Variants in CCDC91 observed in about 807,000 individuals in gnomAD.
The protein encoded by CCDC91 is coiled-coil domain-containing protein 91.
A neutral mutation model predicts 63.2 loss-of-function variants in CCDC91; 48 were observed. That is an observed-to-expected ratio of 0.76 (90% CI 0.60 to 0.97). CCDC91 has a LOEUF of 0.97. Ranked by LOEUF, CCDC91 falls within the 50% of genes least tolerant of loss-of-function variation. CCDC91 has a pLI of 0.00. For synonymous variants in CCDC91, 167 were observed against 165.8 expected (o/e 1.01, Z -0.06); for missense variants, 500 against 494.6 (o/e 1.01, Z -0.10).
In CCDC91 at chr12:28,315,153, GTA is replaced by G. The variant is rs10630087; in HGVS notation, c.576+7422_576+7423del. ...GGGTATTTTACTTAATGTGTCAGTTGTATATATATATATATATATTTTTGTTT... is the reference window on the plus strand; with the variant it reads ...GGGTATTTTACTTAATGTGTCAGTTGTATATATATATATATATTTTTGTTT... On this transcript the variant is annotated intron_variant, in intron 6 of 12. Transcript: ENST00000536442. Among the ~76,000 whole-genome samples the G allele has an allele frequency of 6.4e-4, 94 of 148,018 alleles. 1 individual carries two copies. In the East Asian group the frequency reaches 0.013, roughly 21 times the overall value.
intron 3 of CCDC91, among the ~76,000 whole-genome samples, chr12:28,289,867 A>AT (rs1167267550): frequency 3.8e-4 from 57 of 150,538 alleles, no homozygotes; most frequent in African/African-American, 1.3e-3. Context: ...AATTTTTTGT[A>AT]TTTTTTATTA....
At chr12:28,514,560 T>C (rs531218644) in intron 12 of CCDC91, among the ~76,000 whole-genome samples, 2 of 151,976 alleles carry the variant, frequency 1.3e-5, no homozygotes, top group Non-Finnish European at 2.9e-5. Context: ...GAAATCTTTG[T>C]CCATTCGTAT....
intron 12 of CCDC91, among the ~76,000 whole-genome samples, chr12:28,499,009 A>G (rs1458209287): frequency 2.6e-5 from 4 of 151,664 alleles, no homozygotes; most frequent in Admixed American, 6.6e-5. Flanking sequence ...ATGCCATTAA[A>G]CATTTATCTA....
At chr12:28,392,920 A>G (rs1176171670) in intron 8 of CCDC91, among the ~76,000 whole-genome samples, 1 of 152,202 alleles carries the variant, frequency 6.6e-6, no homozygotes, top group Non-Finnish European at 1.5e-5. Flanking sequence ...GTGGTGAGAC[A>G]AAGGTAGGGT....
intron 6 of CCDC91, among the ~76,000 whole-genome samples, chr12:28,341,809 A>G (rs1942445735): frequency 6.6e-6 from 1 of 152,202 alleles, no homozygotes; most frequent in Non-Finnish European, 1.5e-5. Context: ...CATCCAGGCC[A>G]AGAAAAGTCT....
intron 8 of CCDC91, among the ~76,000 whole-genome samples, chr12:28,396,284 A>G (rs570191504): frequency 6.6e-6 from 1 of 152,292 alleles, no homozygotes; most frequent in South Asian, 2.1e-4. Flanking sequence ...AGGGTGCTAA[A>G]TGAAAAATGA....
chr12:28,284,950 A>T (rs1017242053), intron 3 of CCDC91, among the ~76,000 whole-genome samples: 1 of 152,212 alleles, frequency 6.6e-6, no homozygotes, highest in African/African-American at 2.4e-5. Context: ...CTCTCTTTGT[A>T]TGAACTCAAC....
At chr12:28,521,906 C>A (rs1385691799) in intron 12 of CCDC91, among the ~76,000 whole-genome samples, 1 of 152,196 alleles carries the variant, frequency 6.6e-6, no homozygotes, top group Admixed American at 6.5e-5. Context: ...ACCAGCCTTG[C>A]ATCCCAGGGA....
intron 7 of CCDC91, among the ~76,000 whole-genome samples, chr12:28,364,477 T>C (rs1389978489): frequency 2.0e-5 from 3 of 152,262 alleles, no homozygotes; most frequent in South Asian, 4.1e-4. Flanking sequence ...TTTCTGTTAA[T>C]GTAAACCAGT....
intron 6 of CCDC91, among the ~76,000 whole-genome samples, chr12:28,347,829 T>A (rs563505429): frequency 6.6e-6 from 1 of 152,206 alleles, no homozygotes; most frequent in Non-Finnish European, 1.5e-5. Context: ...TATCAGTGTA[T>A]TTCTCCCTTG....
chr12:28,508,503 A>G (rs1209787583), intron 12 of CCDC91, among the ~76,000 whole-genome samples: 1 of 151,842 alleles, frequency 6.6e-6, no homozygotes, highest in Non-Finnish European at 1.5e-5. Flanking sequence ...GTTCCAAGAG[A>G]TACCCTACTG....
chr12:28,480,488 AT>A (rs954722330), intron 11 of CCDC91, among the ~76,000 whole-genome samples: 5 of 151,950 alleles, frequency 3.3e-5, no homozygotes, highest in Non-Finnish European at 7.4e-5. Context: ...ATTTGGGACT[AT>A]TTTTTACACA....
chr12:28,416,499 T>C (rs1412261878), intron 8 of CCDC91, among the ~76,000 whole-genome samples: 2 of 152,116 alleles, frequency 1.3e-5, no homozygotes, highest in Non-Finnish European at 2.9e-5. Context: ...AGAGGGGATG[T>C]ATCGGCAAGG....
At chr12:28,248,636 G>A (rs1945918450) in intron 1 of CCDC91, among the ~76,000 whole-genome samples, 2 of 152,168 alleles carry the variant, frequency 1.3e-5, no homozygotes, top group Admixed American at 6.5e-5. Flanking sequence ...AATAAGACAA[G>A]GAATTGTTTC....
At chr12:28,314,589 T>C (rs1218260249) in intron 6 of CCDC91, among the ~76,000 whole-genome samples, 1 of 151,812 alleles carries the variant, frequency 6.6e-6, no homozygotes, top group African/African-American at 2.4e-5. Flanking sequence ...GAAATATTAG[T>C]ACACATTAAG....
At chr12:28,440,614 T>C (rs1414520726) in intron 8 of CCDC91, among the ~76,000 whole-genome samples, 2 of 152,176 alleles carry the variant, frequency 1.3e-5, no homozygotes, top group Non-Finnish European at 2.9e-5. Context: ...CTTCTGCTAC[T>C]TGAAAGACAT....
In CCDC91 at chr12:28,265,325, C is replaced by T. The variant is rs573562788; in HGVS notation, c.109+5883C>T. 4.6e-5 allele frequency among the ~76,000 whole-genome samples: 7 copies of T among 152,106 alleles called. No homozygotes were observed. The South Asian group carries it at 1.5e-3, about 32-fold the overall frequency. On this transcript the variant is annotated intron_variant, in intron 3 of 12. Coordinates refer to ENST00000536442, the MANE Select transcript of CCDC91 (RefSeq NM_018318.5). ...TTAATCCAAATTAGCTCCTTCCAAA[C>T]AGCTTATATAGAGGGCAAACTAAAC...
intron 8 of CCDC91, among the ~76,000 whole-genome samples, chr12:28,425,992 T>C (rs1375852200): frequency 6.6e-6 from 1 of 152,230 alleles, no homozygotes; most frequent in Non-Finnish European, 1.5e-5. Context: ...TACGTGGGCC[T>C]CTGAGCTTTC....
intron 6 of CCDC91, among the ~76,000 whole-genome samples, chr12:28,351,678 T>C (rs915111512): frequency 6.7e-6 from 1 of 150,264 alleles, no homozygotes; most frequent in Non-Finnish European, 1.5e-5. Context: ...CATTCCTCCT[T>C]TTTTTTTTTT....
Sources: allele counts gnomAD v4.1 joint callset (sites outside exome capture counted in the v4.1 genomes callset), GRCh38; gene constraint gnomAD v4.1.1; transcripts MANE v1.5; gene names NCBI Gene and HGNC (gene_info 2026-07-23, HGNC 2026-07-21).